PARVG: variants seen among roughly 807,000 people sequenced by gnomAD.
The protein encoded by PARVG is gamma-parvin.
A neutral mutation model predicts 44.4 loss-of-function variants in PARVG; 36 were observed. The observed-to-expected ratio is 0.81, with a 90% CI of 0.62 to 1.07. The LOEUF is 1.07. Ranked by LOEUF, PARVG falls within the 50% of genes least tolerant of loss-of-function variation. The probability of loss-of-function intolerance (pLI) is 0.00; values close to 1 mark genes in which losing one functional copy is unlikely to be tolerated. For missense variants in PARVG, 407 were observed against 407.4 expected, an observed-to-expected ratio of 1.00 and a Z score of 0.01; for synonymous variants, 170 against 174.1, an observed-to-expected ratio of 0.98 and a Z score of 0.19.
At chr22:44,193,910 C>T in intron 9 of PARVG, 87 bp downstream of exon 9, 1 of 1,487,570 alleles carries the variant, frequency 6.7e-7, no homozygotes, top group South Asian at 1.2e-5. Flanking sequence ...AATTGCTGAG[C>T]ATTCTCTCAT....
intron 9 of PARVG, 38 bp from the exon 10 acceptor site, chr22:44,196,117 G>A (rs752228371): frequency 8.1e-6 from 13 of 1,611,260 alleles, no homozygotes; most frequent in African/African-American, 6.7e-5. Flanking sequence ...AAAGATAATA[G>A]CATCGTAATG....
chr22:44,181,420 C>T (rs1016592343), intron 1 of PARVG: 2 of 982,874 alleles, frequency 2.0e-6, no homozygotes, highest in Admixed American at 6.2e-5. Context: ...TGGCCCGGGG[C>T]GGGGTGTGGA....
At position 44,207,627 on chromosome 22, in the gene PARVG, T is replaced by C. The variant is rs928202718; in HGVS notation, c.*1201T>C. 6 of 141,874 alleles carry C rather than the reference T, an allele frequency of 4.2e-5. No individual in the cohort carries two copies. Among genetic ancestry groups the C allele is most frequent in the Non-Finnish European group, 9.2e-5 (6 of 65,320 alleles). 8.8% of individuals were successfully genotyped at this position (141,874 alleles called of 1,614,324 possible). On this transcript the variant is annotated 3_prime_UTR_variant, in exon 14 of 14. Transcript: ENST00000444313. ...TGAGGCCTTGGGGAGGGGCTTTAGA[T>C]GGGGGTTAGGGGCTAGGTCATCATT... is the stretch of plus-strand genomic sequence containing the variant.
At position 44,182,532 on chromosome 22, in the gene PARVG, C is replaced by G. The variant is rs2054398301; in HGVS notation, c.-13+615C>G. Among the ~76,000 whole-genome samples the G allele has an allele frequency of 6.6e-6, 1 of 152,232 alleles. No individual in the cohort carries two copies. The highest frequency in any genetic ancestry group is 2.4e-5 in the African/African-American group (1 of 41,474). On this transcript the variant is annotated intron_variant, in intron 2 of 13. Coordinates refer to ENST00000444313, the MANE Select transcript of PARVG (RefSeq NM_022141.7). This position sits in a 1 kb window ranked among gnomAD's most constrained non-coding sequence, Gnocchi z 4.6. ...TCCAGTCGAGTGAATGCCTCCGTCTCCCACAGCTCAGGGGGCTCCCTGCTC... is the reference window on the plus strand; with the variant it reads ...TCCAGTCGAGTGAATGCCTCCGTCTGCCACAGCTCAGGGGGCTCCCTGCTC...
chr22:44,191,557 C>G (rs2054549626), intron 7 of PARVG, among the ~76,000 whole-genome samples: 1 of 151,962 alleles, frequency 6.6e-6, no homozygotes, highest in Non-Finnish European at 1.5e-5. Flanking sequence ...GACACTGTGC[C>G]TGGCTAATTT....
exon 1 of PARVG, chr22:44,173,120 G>A (rs552971794): frequency 2.3e-6 from 3 of 1,289,100 alleles, no homozygotes; most frequent in African/African-American, 3.0e-5. Context: ...CTTTGTGGGG[G>A]ATGGGACTTT....
chr22:44,196,111 A>G lies in PARVG; in HGVS notation c.584-44A>G, dbSNP rs767410369. On this transcript the variant is annotated intron_variant, in intron 9 of 13. Transcript: ENST00000444313. ...AAAAAATTCCCTGTTTGGCACAAAG[A>G]TAATAGCATCGTAATGAGGTGTTTA... The G allele has an allele frequency of 5.6e-6, 9 of 1,610,326 alleles. No individual in the cohort carries two copies. In the Admixed American group the frequency reaches 8.3e-5, roughly 15 times the overall value.
At chr22:44,183,828 C>G (rs990321083) in intron 3 of PARVG, 7 of 392,212 alleles carry the variant, frequency 1.8e-5, no homozygotes, top group African/African-American at 1.4e-4. Flanking sequence ...GACCTGGGTT[C>G]TGAGCCCAAG....
intron 12 of PARVG, among the ~76,000 whole-genome samples, chr22:44,205,511 C>T (rs77903393): frequency 1.2e-4 from 19 of 152,352 alleles, no homozygotes; most frequent in Non-Finnish European, 2.4e-4. Context: ...TGGTATAGCA[C>T]CTGCTCAGAG....
At chr22:44,191,076 T>C (rs532870993) in intron 7 of PARVG, among the ~76,000 whole-genome samples, 2 of 152,322 alleles carry the variant, frequency 1.3e-5, no homozygotes, top group Admixed American at 1.3e-4. Context: ...TCCTGTGAGA[T>C]TACCGATGGC....
rs368427300 is a variant in PARVG at position 44,192,151 on chromosome 22, G to A, written c.560+47G>A. The A allele has an allele frequency of 4.4e-6, 7 of 1,593,776 alleles. No individual in the cohort carries two copies. In the African/African-American group the frequency reaches 8.1e-5, roughly 18 times the overall value. On this transcript the variant is annotated intron_variant, in intron 8 of 13. Coordinates refer to ENST00000444313, the MANE Select transcript of PARVG (RefSeq NM_022141.7). ...ATGGGTGGGGCTGGGGCTCACAGCG[G>A]TGGATGGGGGCAGGGTGGGGGCCAG...
intron 4 of PARVG, 38 bp from the exon 5 acceptor site, chr22:44,187,738 C>T: frequency 1.9e-6 from 3 of 1,601,796 alleles, no homozygotes; most frequent in East Asian, 2.2e-5. Flanking sequence ...GGTGAGAAGT[C>T]TCCATCCCCC....
At chr22:44,201,588 G>A (rs2054709821) in intron 12 of PARVG, among the ~76,000 whole-genome samples, 2 of 152,190 alleles carry the variant, frequency 1.3e-5, no homozygotes, top group South Asian at 4.1e-4. Context: ...CAGGCACGGT[G>A]CCTGCTGCTT....
At position 44,189,155 on chromosome 22, in the gene PARVG, C is replaced by T. The variant is rs755319369; in HGVS notation, c.289C>T (p.Leu97=). ...CAAGCTGGAAGCAGAGGACATCGCC[C>T]TGACAGCCACAAGCCAGAAGCACAA... ...ALKLEAEDIA[L]TATSQKHKLT... The change falls in exon 6 of 14, where the codon CTG becomes TTG. Residue 97 remains leucine, a synonymous_variant. Transcript: ENST00000444313. The T allele has an allele frequency of 6.2e-7, 1 of 1,614,018 alleles. No homozygotes were observed. The highest frequency in any genetic ancestry group is 8.5e-7 in the Non-Finnish European group (1 of 1,180,038).
chr22:44,195,055 G>A (rs1342786251), intron 9 of PARVG, among the ~76,000 whole-genome samples: 1 of 152,156 alleles, frequency 6.6e-6, no homozygotes, highest in Non-Finnish European at 1.5e-5. Flanking sequence ...CACCTTCCCT[G>A]CAGAGGTAGA....
At position 44,192,034 on chromosome 22, in the gene PARVG, C is replaced by T; in HGVS notation, c.505-15C>T. The T allele has an allele frequency of 6.2e-7, 1 of 1,613,202 alleles. No homozygotes were observed. On this transcript the variant is annotated splice_polypyrimidine_tract_variant and intron_variant, in intron 7 of 13. Coordinates refer to ENST00000444313, the MANE Select transcript of PARVG (RefSeq NM_022141.7). ...TTCTGGATTATTTAATTTCTTCCCCCTTTATTTTTCTTAGAGCACCAAAAG... is the reference window on the plus strand; with the variant it reads ...TTCTGGATTATTTAATTTCTTCCCCTTTTATTTTTCTTAGAGCACCAAAAG...
upstream of PARVG, among the ~76,000 whole-genome samples, chr22:44,180,049 CT>C (rs1302025967): frequency 3.3e-5 from 5 of 152,186 alleles, no homozygotes; most frequent in African/African-American, 1.2e-4. Flanking sequence ...TTTTCTCTGG[CT>C]TCTGGCTGGA....
intron 1 of PARVG, among the ~76,000 whole-genome samples, chr22:44,174,997 C>G (rs1601721816): frequency 6.6e-6 from 1 of 152,170 alleles, no homozygotes; most frequent in Non-Finnish European, 1.5e-5. Context: ...TGCCAGGCAC[C>G]TGTAATCCCA....
At chr22:44,191,491 C>T (rs1252779446) in intron 7 of PARVG, among the ~76,000 whole-genome samples, 1 of 148,468 alleles carries the variant, frequency 6.7e-6, no homozygotes, top group East Asian at 2.0e-4. Context: ...TCTGCCTCTC[C>T]AGCTCAAGTG....
Sources: allele counts gnomAD v4.1 joint callset (sites outside exome capture counted in the v4.1 genomes callset), GRCh38; gene constraint gnomAD v4.1.1; non-coding constraint Gnocchi (gnomAD v3.1); transcripts MANE v1.5; gene names NCBI Gene and HGNC (gene_info 2026-07-23, HGNC 2026-07-21).